The following ANOS1 variants were observed in gnomAD, a reference collection of about 807,000 sequenced individuals.
The protein encoded by ANOS1 is anosmin 1, also known as anosmin-1.
A neutral mutation model predicts 59.0 loss-of-function variants in ANOS1; 6 were observed. The observed-to-expected ratio is 0.10, with a 90% CI of 0.06 to 0.20. The LOEUF (loss-of-function observed/expected upper bound fraction) is 0.20. ANOS1 is among the 10% of genes least tolerant of loss of function. ANOS1 has a pLI of 1.00. For missense variants in ANOS1, 433 were observed against 542.3 expected (o/e 0.80, Z 2.00); for synonymous variants, 217 against 223.4 (o/e 0.97, Z 0.25).
intron 1 of ANOS1, among the ~76,000 whole-genome samples, chrX:8,730,334 C>T (rs1932960908): frequency 8.9e-6 from 1 of 112,096 alleles, no homozygotes. Context: ...AATTTCACCA[C>T]AGGAGGTGAG....
chrX:8,727,489 G>A (rs776638092), intron 1 of ANOS1, among the ~76,000 whole-genome samples: 8 of 112,535 alleles, frequency 7.1e-5, no homozygotes, highest in Non-Finnish European at 1.3e-4. Flanking sequence ...ACGATTCTGA[G>A]ACACTGGAAT....
chrX:8,626,151 A>G (rs992043921), intron 2 of ANOS1, among the ~76,000 whole-genome samples: 1 of 106,785 alleles, frequency 9.4e-6, no homozygotes, highest in Non-Finnish European at 1.9e-5. Flanking sequence ...CTGCCACCAA[A>G]TTTGATGTTT....
chrX:8,635,440 T>C (rs1033976248), intron 2 of ANOS1, among the ~76,000 whole-genome samples: 2 of 111,594 alleles, frequency 1.8e-5, no homozygotes, highest in Admixed American at 9.5e-5. Context: ...AAAACTGATG[T>C]TGGTGTTTTG....
In ANOS1 at chrX:8,532,240, T is replaced by C. The variant is rs1929512082; in HGVS notation, c.*755A>G. The stretch of plus-strand genomic sequence containing the variant: ...TAAATAAGATAACATATCAGGAAAA[T>C]CTCTCACATAATAGGATCAAATATT... On this transcript the variant is annotated 3_prime_UTR_variant, in exon 14 of 14. Transcript: ENST00000262648. 9.0e-6 allele frequency: 1 copy of C among 111,607 alleles called. No individual in the cohort carries two copies. Among genetic ancestry groups the C allele is most frequent in the Non-Finnish European group, 1.9e-5 (1 of 53,091 alleles). 9.2% of individuals were successfully genotyped at this position (111,607 alleles called of 1,213,427 possible). A position where few individuals can be genotyped will look rare whatever the true frequency, so the allele number is the denominator to read the frequency against.
intron 2 of ANOS1, among the ~76,000 whole-genome samples, chrX:8,632,377 T>C (rs1931503595): frequency 8.9e-6 from 1 of 112,627 alleles, no homozygotes; most frequent in African/African-American, 3.2e-5. Flanking sequence ...TAGTAGGTAC[T>C]TAGTGAATCT....
At chrX:8,720,080 T>C (rs1262225727) in intron 1 of ANOS1, among the ~76,000 whole-genome samples, 1 of 111,991 alleles carries the variant, frequency 8.9e-6, no homozygotes, top group Non-Finnish European at 1.9e-5. Flanking sequence ...GCCTAACTTT[T>C]ATATTTTGCA....
intron 4 of ANOS1, among the ~76,000 whole-genome samples, chrX:8,594,837 CAG>C (rs1340411328): frequency 1.0e-5 from 1 of 100,059 alleles, no homozygotes; most frequent in African/African-American, 3.7e-5. Flanking sequence ...GTCAGGTTAA[CAG>C]AGTCTGTTTA....
chrX:8,643,648 C>G (rs539317034), intron 2 of ANOS1, among the ~76,000 whole-genome samples: 3 of 112,182 alleles, frequency 2.7e-5, no homozygotes, highest in Non-Finnish European at 5.6e-5. Flanking sequence ...AAATGCACAT[C>G]TGTAAAGAAT....
intron 2 of ANOS1, among the ~76,000 whole-genome samples, chrX:8,631,479 T>G (rs950529389): frequency 8.9e-6 from 1 of 112,059 alleles, no homozygotes; most frequent in Non-Finnish European, 1.9e-5. Flanking sequence ...GTGTCAAAAA[T>G]TTTAGGAGTT....
chrX:8,588,311 G>T (rs1412685177), intron 4 of ANOS1, among the ~76,000 whole-genome samples: 2 of 111,195 alleles, frequency 1.8e-5, no homozygotes, highest in Non-Finnish European at 3.8e-5. Context: ...CATGTTACAA[G>T]GTTGTTTCAT....
At chrX:8,730,580 ACCC>A (rs61212461) in intron 1 of ANOS1, among the ~76,000 whole-genome samples, 2,313 of 79,383 alleles carry the variant, frequency 0.029, 78 homozygotes, top group African/African-American at 0.097. Context: ...CTCTAGGGGG[ACCC>A]CCCCCCCCAC....
intron 2 of ANOS1, among the ~76,000 whole-genome samples, chrX:8,633,103 C>G (rs1287655930): frequency 9.0e-6 from 1 of 111,555 alleles, no homozygotes; most frequent in African/African-American, 3.3e-5. Flanking sequence ...GCAGACAGCC[C>G]TCTGAAGTGC....
At chrX:8,646,854 A>G (rs1442626762) in intron 2 of ANOS1, among the ~76,000 whole-genome samples, 1 of 104,691 alleles carries the variant, frequency 9.6e-6, no homozygotes, top group Non-Finnish European at 2.0e-5. Context: ...GATTACTTGA[A>G]CCCAGGAGGT....
At chrX:8,641,344 G>A (rs1325146935) in intron 2 of ANOS1, among the ~76,000 whole-genome samples, 1 of 112,019 alleles carries the variant, frequency 8.9e-6, no homozygotes, top group Non-Finnish European at 1.9e-5. Context: ...GAGGGAAAAG[G>A]AGGTATCACA....
intron 3 of ANOS1, among the ~76,000 whole-genome samples, chrX:8,607,630 A>G (rs2108400): frequency 0.38 from 42,018 of 110,282 alleles, 5,808 homozygotes; most frequent in South Asian, 0.43. Context: ...AATTAGGGAT[A>G]GTTCAGGTAC....
chrX:8,660,159 C>T (rs192678119), intron 2 of ANOS1, among the ~76,000 whole-genome samples: 69 of 111,342 alleles, frequency 6.2e-4, no homozygotes, highest in African/African-American at 2.2e-3. Context: ...GAAACCCATC[C>T]CTGATAATGA....
intron 4 of ANOS1, 121 bp from the exon 5 acceptor site, chrX:8,588,099 T>C (rs954747451): frequency 1.5e-6 from 1 of 679,671 alleles, no homozygotes; most frequent in East Asian, 3.5e-5. Flanking sequence ...TTTCCTTTCA[T>C]AAAAGTGGCC....
intron 2 of ANOS1, among the ~76,000 whole-genome samples, chrX:8,687,593 A>AACACACACACAC (rs58384646): frequency 5.7e-4 from 55 of 95,666 alleles, no homozygotes; most frequent in African/African-American, 2.0e-3. Context: ...TAATCCAGTA[A>AACACACACACAC]ACACACACAC....
In ANOS1 at chrX:8,536,874, C is replaced by G. The variant is rs1569252472; in HGVS notation, c.1518G>C (p.Arg506=). ...CKYKVTVQPI[R]PKSHSKAEAV... ...CTTCTGCCTTGGAGTGACTTTTTGG[C>G]CGTATTGGTTGGACAGTCACCTTAT... The change falls in exon 11 of 14, where the codon CGG becomes CGC. Residue 506 remains arginine, a synonymous_variant. Coordinates refer to ENST00000262648, the MANE Select transcript of ANOS1 (RefSeq NM_000216.4). 8.3e-7 allele frequency: 1 copy of G among 1,207,032 alleles called. No homozygotes were observed. Among genetic ancestry groups the G allele is most frequent in the East Asian group, 3.0e-5 (1 of 33,802 alleles).
Sources: allele counts gnomAD v4.1 joint callset (sites outside exome capture counted in the v4.1 genomes callset), GRCh38; gene constraint gnomAD v4.1.1; transcripts MANE v1.5; gene names NCBI Gene and HGNC (gene_info 2026-07-23, HGNC 2026-07-21).